XYLT1: variants seen among roughly 807,000 people sequenced by gnomAD.
The protein encoded by XYLT1 is xylosyltransferase 1.
XYLT1 carries 36 observed loss-of-function variants against 91.3 expected under a neutral mutation model. The ratio of observed to expected loss-of-function variants is 0.39; its 90% CI spans 0.30 to 0.52. The LOEUF (loss-of-function observed/expected upper bound fraction) is 0.52. XYLT1 is among the 20% of genes least tolerant of loss of function. XYLT1 has a pLI of 0.68. For missense variants in XYLT1, 1,242 were observed against 1,284.5 expected, an observed-to-expected ratio of 0.97 and a Z score of 0.51; for synonymous variants, 588 against 532.0, an observed-to-expected ratio of 1.11 and a Z score of -1.45.
At chr16:17,402,147 A>C (rs1344375824) in intron 1 of XYLT1, among the ~76,000 whole-genome samples, 1 of 123,960 alleles carries the variant, frequency 8.1e-6, no homozygotes, top group Non-Finnish European at 1.6e-5. Flanking sequence ...AAAAAAAAAA[A>C]CACACACACA....
intron 2 of XYLT1, among the ~76,000 whole-genome samples, chr16:17,323,605 T>C (rs370834208): frequency 6.6e-6 from 1 of 152,240 alleles, no homozygotes; most frequent in African/African-American, 2.4e-5. Flanking sequence ...CACGGTTCAC[T>C]TTATTCCCAG....
intron 1 of XYLT1, among the ~76,000 whole-genome samples, chr16:17,410,946 G>A (rs890596320): frequency 1.7e-4 from 26 of 152,100 alleles, no homozygotes; most frequent in African/African-American, 5.8e-4. Flanking sequence ...CCAGCAGCCT[G>A]CCATTACTTT....
At chr16:17,345,575 TA>T (rs1213212743) in intron 2 of XYLT1, among the ~76,000 whole-genome samples, 1 of 152,202 alleles carries the variant, frequency 6.6e-6, no homozygotes, top group African/African-American at 2.4e-5. Context: ...CTTATCCTCT[TA>T]GCAGTCCTCA....
At chr16:17,469,808 C>T (rs1404670376) in intron 1 of XYLT1, among the ~76,000 whole-genome samples, 1 of 152,044 alleles carries the variant, frequency 6.6e-6, no homozygotes, top group Non-Finnish European at 1.5e-5. Context: ...GCATGGGAGA[C>T]GGCAAGGTTA....
intron 5 of XYLT1, among the ~76,000 whole-genome samples, chr16:17,160,726 T>TG: frequency 6.6e-6 from 1 of 152,168 alleles, no homozygotes; most frequent in African/African-American, 2.4e-5. Context: ...TCCCGCGTGG[T>TG]TAAACCCCAT....
At chr16:17,155,511 G>A (rs552642988) in intron 6 of XYLT1, among the ~76,000 whole-genome samples, 1 of 152,316 alleles carries the variant, frequency 6.6e-6, no homozygotes, top group Non-Finnish European at 1.5e-5. Context: ...CACATCACCA[G>A]TGAAAGAACT....
intron 1 of XYLT1, among the ~76,000 whole-genome samples, chr16:17,431,478 A>C (rs2036390421): frequency 6.6e-6 from 1 of 152,164 alleles, no homozygotes; most frequent in Non-Finnish European, 1.5e-5. Flanking sequence ...AAAGAACCCA[A>C]ATTTAAGAAG....
chr16:17,196,646 G>A (rs1169481262), intron 5 of XYLT1, among the ~76,000 whole-genome samples: 1 of 152,246 alleles, frequency 6.6e-6, no homozygotes, highest in East Asian at 1.9e-4. Context: ...TCCTGGGAAT[G>A]CTGAACCCTA....
chr16:17,468,017 T>C (rs893343623), intron 1 of XYLT1, among the ~76,000 whole-genome samples: 3 of 152,202 alleles, frequency 2.0e-5, no homozygotes, highest in Non-Finnish European at 2.9e-5. Flanking sequence ...CCGCAGGGTC[T>C]GGAAACAAAC....
intron 3 of XYLT1, among the ~76,000 whole-genome samples, chr16:17,224,375 C>T (rs1048365684): frequency 2.0e-5 from 3 of 152,208 alleles, no homozygotes; most frequent in East Asian, 1.9e-4. Flanking sequence ...AGACCAGGCA[C>T]GTGCATGCCT....
chr16:17,440,381 GGTAA>G (rs1271214653), intron 1 of XYLT1, among the ~76,000 whole-genome samples: 4 of 152,164 alleles, frequency 2.6e-5, no homozygotes, highest in Non-Finnish European at 4.4e-5. Context: ...AACAATAAGT[GGTAA>G]GTATCAGAAT....
chr16:17,232,334 T>C (rs981025021), intron 3 of XYLT1, among the ~76,000 whole-genome samples: 4 of 143,466 alleles, frequency 2.8e-5, no homozygotes, highest in African/African-American at 5.1e-5. Context: ...GGGACCACCA[T>C]TGTATATGCA....
chr16:17,260,264 TC>T (rs1369095704), intron 2 of XYLT1, among the ~76,000 whole-genome samples: 1 of 152,176 alleles, frequency 6.6e-6, no homozygotes, highest in Non-Finnish European at 1.5e-5. Context: ...ACTCAGCTCC[TC>T]CATGGGTAAA....
chr16:17,445,695 A>T (rs1305314367), intron 1 of XYLT1: 1 of 152,202 alleles, frequency 6.6e-6, no homozygotes, highest in Non-Finnish European at 1.5e-5. Flanking sequence ...ACACGCGTGG[A>T]GGGTCTATTG....
At chr16:17,163,505 C>G (rs575124791) in intron 5 of XYLT1, among the ~76,000 whole-genome samples, 1 of 152,212 alleles carries the variant, frequency 6.6e-6, no homozygotes, top group African/African-American at 2.4e-5. Context: ...TCTCTGGGCT[C>G]CCGGTGCCCA....
intron 2 of XYLT1, among the ~76,000 whole-genome samples, chr16:17,329,240 C>G (rs1375435080): frequency 6.6e-6 from 1 of 152,216 alleles, no homozygotes; most frequent in Non-Finnish European, 1.5e-5. Context: ...TTATCAAGCC[C>G]TGCTCTGCCA....
chr16:17,331,029 C>T (rs1173355450), intron 2 of XYLT1, among the ~76,000 whole-genome samples: 1 of 152,202 alleles, frequency 6.6e-6, no homozygotes, highest in Non-Finnish European at 1.5e-5. Context: ...AGGGCTTATG[C>T]TCAACCAGGT....
chr16:17,127,766 G>A lies in XYLT1; in HGVS notation c.2123C>T (p.Ala708Val). The A allele has an allele frequency of 1.2e-6, 2 of 1,614,176 alleles. No individual in the cohort carries two copies. The highest frequency in any genetic ancestry group is 1.7e-6 in the Non-Finnish European group (2 of 1,180,038). Residue 708 changes from alanine to valine, a missense_variant, in exon 10 of 12, where the codon GCT (alanine) becomes GTT (valine). This residue lies in a region of XYLT1 where 511 missense variants were observed against 497.0 expected (regional missense o/e 1.03). Coordinates refer to ENST00000261381, the MANE Select transcript of XYLT1 (RefSeq NM_022166.4). ...CTCCAGAGTCTCTAGTTTGCTCACA[G>A]CCAGATTGGTAGCATGATGCTTGAT... ...FLIKHHATNLAVSKLETLETW... is the reference protein window; with the variant it reads ...FLIKHHATNLVVSKLETLETW...
At chr16:17,339,164 A>G (rs1388685385) in intron 2 of XYLT1, among the ~76,000 whole-genome samples, 2 of 152,082 alleles carry the variant, frequency 1.3e-5, no homozygotes, top group African/African-American at 2.4e-5. Flanking sequence ...GCCCAGAGTC[A>G]TTTTTCTGGA....
Sources: allele counts gnomAD v4.1 joint callset (sites outside exome capture counted in the v4.1 genomes callset), GRCh38; gene constraint gnomAD v4.1.1; regional missense constraint gnomAD v4.1.1; transcripts MANE v1.5; gene names NCBI Gene and HGNC (gene_info 2026-07-23, HGNC 2026-07-21).